SPATA4: variants seen among roughly 807,000 people sequenced by gnomAD.
The protein encoded by SPATA4 is spermatogenesis associated 4, also known as spermatogenesis-associated protein 4.
SPATA4 carries 35 observed loss-of-function variants against 31.8 expected under a neutral mutation model. The observed-to-expected ratio is 1.10, with a 90% CI of 0.84 to 1.46. The LOEUF (loss-of-function observed/expected upper bound fraction) is 1.46, where lower values mean the gene tolerates loss of function less well. Among genes scored for constraint, SPATA4 ranks in the 40% most tolerant of loss-of-function variants. The pLI is 0.00. For synonymous variants in SPATA4, 126 were observed against 132.4 expected (o/e 0.95, Z 0.33); for missense variants, 394 against 363.1 (o/e 1.09, Z -0.69).
chr4:176,195,451 T>G lies in SPATA4; in HGVS notation c.112A>C (p.Lys38Gln). Residue 38 changes from lysine (K) to glutamine (Q), a missense_variant, in exon 1 of 6, where the codon AAG becomes CAG. Lys to Gln is a moderately conservative substitution (Grantham distance 53). Coordinates refer to ENST00000280191, the MANE Select transcript of SPATA4 (RefSeq NM_144644.4). ...LAAPIRGRPK[K>Q]CLVYPHAPKS... ...GGCGCATGCGGATAGACCAGACACT[T>G]CTTAGGCCTCCCTCGGATGGGAGCT... 6.2e-7 allele frequency: 1 copy of G among 1,614,232 alleles called. No individual in the cohort carries two copies. Among genetic ancestry groups the G allele is most frequent in the Non-Finnish European group, 8.5e-7 (1 of 1,180,034 alleles).
chr4:176,193,755 G>A (rs1014878819), intron 1 of SPATA4, 173 bp from the exon 2 acceptor site: 1 of 582,714 alleles, frequency 1.7e-6, no homozygotes, highest in African/African-American at 1.9e-5. Context: ...GATTATCTAC[G>A]TTTCAAAGGC....
intron 5 of SPATA4, among the ~76,000 whole-genome samples, chr4:176,187,765 T>G (rs1031386797): frequency 6.6e-6 from 1 of 152,236 alleles, no homozygotes; most frequent in African/African-American, 2.4e-5. Context: ...TGATTGAGAA[T>G]TCTTAGTATG....
At chr4:176,189,825 G>A (rs748927517) in intron 4 of SPATA4, among the ~76,000 whole-genome samples, 7 of 152,258 alleles carry the variant, frequency 4.6e-5, no homozygotes, top group South Asian at 2.1e-4. Flanking sequence ...AGGACAAGCC[G>A]CAGACAAAAC....
chr4:176,188,974 G>T (rs558795207), intron 4 of SPATA4, among the ~76,000 whole-genome samples: 1 of 152,260 alleles, frequency 6.6e-6, no homozygotes, highest in Admixed American at 6.5e-5. Flanking sequence ...AATTACTTTG[G>T]CCACAAATGA....
chr4:176,189,669 G>T (rs1461930044), intron 4 of SPATA4, among the ~76,000 whole-genome samples: 1 of 152,154 alleles, frequency 6.6e-6, no homozygotes, highest in African/African-American at 2.4e-5. Flanking sequence ...AACTGGAATA[G>T]AAGGTTCAGA....
intron 5 of SPATA4, among the ~76,000 whole-genome samples, chr4:176,187,902 G>A (rs113368314): frequency 5.1e-4 from 78 of 152,290 alleles, no homozygotes; most frequent in African/African-American, 1.8e-3. Context: ...GAACTCAGTG[G>A]ATCTGATTGT....
chr4:176,189,232 G>T (rs191898110), intron 4 of SPATA4, among the ~76,000 whole-genome samples: 1 of 152,296 alleles, frequency 6.6e-6, no homozygotes, highest in Admixed American at 6.5e-5. Flanking sequence ...TGAAGGGGTG[G>T]CAGCGAGGGA....
chr4:176,193,358 G>A, intron 2 of SPATA4, 95 bp downstream of exon 2: 1 of 1,453,692 alleles, frequency 6.9e-7, no homozygotes, highest in Non-Finnish European at 9.3e-7. Context: ...GTATCACACA[G>A]TCACACACAT....
In SPATA4 at chr4:176,192,688, T is replaced by A; in HGVS notation, c.627A>T (p.Lys209Asn). The stretch of plus-strand genomic sequence containing the variant: ...TATGTAAAAGGATGAGGAACTCCGC[T>A]TTAAGTTCATTGGTCAGCATGTTGG... The part of the protein sequence containing the change: ...SNPNMLTNEL[K>N]AEFLILLHML... Residue 209 changes from lysine (K) to asparagine (N), a missense_variant, in exon 4 of 6, where the codon AAA (lysine) becomes AAT (asparagine). Transcript: ENST00000280191. 1 of 1,614,120 alleles carries A rather than the reference T, an allele frequency of 6.2e-7. No individual in the cohort carries two copies. Among genetic ancestry groups the A allele is most frequent in the Non-Finnish European group, 8.5e-7 (1 of 1,179,988 alleles).
At chr4:176,190,460 AT>A (rs1405193740) in intron 4 of SPATA4, among the ~76,000 whole-genome samples, 1 of 152,184 alleles carries the variant, frequency 6.6e-6, no homozygotes, top group Non-Finnish European at 1.5e-5. Flanking sequence ...TTTTTATCTC[AT>A]GGTACAGAAG....
rs1386695595 is a variant in SPATA4 at position 176,188,112 on chromosome 4, AACTT to A, written c.805+3_805+6del. The A allele has an allele frequency of 6.3e-7, 1 of 1,595,320 alleles. No homozygotes were observed. Among genetic ancestry groups the A allele is most frequent in the Non-Finnish European group, 8.6e-7 (1 of 1,164,560 alleles). On this transcript the variant is annotated splice_donor_5th_base_variant and intron_variant, in intron 5 of 5. Coordinates refer to ENST00000280191, the MANE Select transcript of SPATA4 (RefSeq NM_144644.4). ...TCAATTTTAAGAAGCAAAGAGTTAA[AACTT>A]ACGTAAAACAGGGACAACTCTTCCT...
intron 5 of SPATA4, 109 bp downstream of exon 5, chr4:176,188,010 A>C (rs1444653766): frequency 1.3e-6 from 1 of 787,258 alleles, no homozygotes. Flanking sequence ...GTAGGACTGA[A>C]TGTTGACCTA....
At chr4:176,185,353 A>G (rs551142799) in intron 5 of SPATA4, among the ~76,000 whole-genome samples, 17 of 152,318 alleles carry the variant, frequency 1.1e-4, no homozygotes, top group Admixed American at 2.6e-4. Flanking sequence ...CAACTAAGAC[A>G]TCTATATTCC....
chr4:176,188,668 T>C (rs919496038), intron 4 of SPATA4, among the ~76,000 whole-genome samples: 2 of 152,230 alleles, frequency 1.3e-5, no homozygotes, highest in Non-Finnish European at 2.9e-5. Context: ...TCTATCATTA[T>C]AGGTTAGTTT....
Position 176,192,647 on chromosome 4 carries a change from A to C in SPATA4, c.668T>G (p.Leu223Ter). ...CTTACCTGGATTCAATTTTCTGCCTAATTTTCTTTGCAACATATGTAAAAG... is the reference window on the plus strand; with the variant it reads ...CTTACCTGGATTCAATTTTCTGCCTCATTTTCTTTGCAACATATGTAAAAG... ...LILLHMLQRK[L>*]GRKLNPEWFD... The change falls in exon 4 of 6, where the codon TTA becomes TGA. Residue 223 changes from leucine to a stop codon, truncating the protein, a stop_gained. Transcript: ENST00000280191. LOFTEE classifies it high-confidence loss of function. The C allele has an allele frequency of 6.2e-7, 1 of 1,613,944 alleles. No homozygotes were observed. The highest frequency in any genetic ancestry group is 1.7e-5 in the Admixed American group (1 of 60,016).
rs1342766575 is a variant in SPATA4 at position 176,192,629 on chromosome 4, G to A, written c.686C>T (p.Pro229Leu). 1.9e-6 allele frequency: 3 copies of A among 1,613,230 alleles called. No individual in the cohort carries two copies. Among genetic ancestry groups the A allele is most frequent in the East Asian group, 2.2e-5 (1 of 44,874 alleles). The change falls in exon 4 of 6, where the codon CCA (proline) becomes CTA (leucine). Residue 229 changes from proline to leucine, a missense_variant and splice_region_variant. Pro to Leu is a moderately conservative substitution (Grantham distance 98, BLOSUM62 -3). Coordinates refer to ENST00000280191, the MANE Select transcript of SPATA4 (RefSeq NM_144644.4). ...AGCTGTTTCAAAGGAAAACTTACCT[G>A]GATTCAATTTTCTGCCTAATTTTCT... Reference protein sequence around the residue: ...LQRKLGRKLNPEWFDVKPTVG... With the variant: ...LQRKLGRKLNLEWFDVKPTVG...
In SPATA4 at chr4:176,195,393, C is replaced by A. The variant is rs765139707; in HGVS notation, c.170G>T (p.Arg57Leu). 53 of 1,614,206 alleles carry A rather than the reference C, an allele frequency of 3.3e-5. No individual in the cohort carries two copies. In the East Asian group the frequency reaches 3.8e-4, roughly 12 times the overall value. The change falls in exon 1 of 6, where the codon CGT becomes CTT. Residue 57 changes from arginine to leucine, a missense_variant. Transcript: ENST00000280191. ...KSSRLSRSVL[R>L]WLQGLDLSFF... Reference sequence around the variant, plus strand: ...GCTGAGATCCAGACCCTGAAGCCAACGCAGAACGGAACGAGACAAGCGGGA... The same window carrying A: ...GCTGAGATCCAGACCCTGAAGCCAAAGCAGAACGGAACGAGACAAGCGGGA...
intron 4 of SPATA4, among the ~76,000 whole-genome samples, chr4:176,191,070 G>T (rs1044633276): frequency 4.0e-5 from 6 of 148,880 alleles, no homozygotes; most frequent in Admixed American, 6.7e-5. Context: ...ATGAAATAAA[G>T]AATAATATAT....
rs370242029 is a variant in SPATA4 at position 176,192,590 on chromosome 4, G to A, written c.688+37C>T. On this transcript the variant is annotated intron_variant, in intron 4 of 5. Coordinates refer to ENST00000280191, the MANE Select transcript of SPATA4 (RefSeq NM_144644.4). ...CTGTGCTCAAGAATAGCCTGATAGAGCTTGGAAGAACTCAGCTGTTTCAAA... is the reference window on the plus strand; with the variant it reads ...CTGTGCTCAAGAATAGCCTGATAGAACTTGGAAGAACTCAGCTGTTTCAAA... The A allele has an allele frequency of 4.5e-6, 7 of 1,547,270 alleles. No homozygotes were observed. The African/African-American group carries it at 5.4e-5, about 12-fold the overall frequency.
Sources: allele counts gnomAD v4.1 joint callset (sites outside exome capture counted in the v4.1 genomes callset), GRCh38; gene constraint gnomAD v4.1.1; transcripts MANE v1.5; gene names NCBI Gene and HGNC (gene_info 2026-07-23, HGNC 2026-07-21).